The following SLC9A8 variants were observed in gnomAD, a reference collection of about 807,000 sequenced individuals.
The protein encoded by SLC9A8 is sodium/hydrogen exchanger 8.
Under a neutral mutation model 66.6 loss-of-function variants are expected in SLC9A8, and 48 were observed. The ratio of observed to expected loss-of-function variants is 0.72; its 90% CI spans 0.57 to 0.92. The LOEUF (loss-of-function observed/expected upper bound fraction) is 0.92, where lower values mean the gene tolerates loss of function less well. SLC9A8 is among the 40% of genes least tolerant of loss of function. The pLI, the probability that SLC9A8 is intolerant of heterozygous loss-of-function variation, is 0.00. For synonymous variants in SLC9A8, 274 were observed against 282.6 expected (o/e 0.97, Z 0.31); for missense variants, 599 against 747.3 (o/e 0.80, Z 2.31).
intron 7 of SLC9A8, 27 bp downstream of exon 7, chr20:49,850,871 T>C (rs1329328630): frequency 6.5e-7 from 1 of 1,545,770 alleles, no homozygotes; most frequent in South Asian, 1.2e-5. Context: ...GTAACACCCA[T>C]GCGACTGCTT....
chr20:49,827,173 C>T (rs190973740), intron 3 of SLC9A8, among the ~76,000 whole-genome samples: 2 of 151,622 alleles, frequency 1.3e-5, no homozygotes, highest in Admixed American at 6.6e-5. Context: ...AACTCCTGAC[C>T]GCAAGTGATC....
chr20:49,835,812 A>AGTAGCT (rs2087512231), intron 3 of SLC9A8, among the ~76,000 whole-genome samples: 1 of 144,886 alleles, frequency 6.9e-6, no homozygotes, highest in African/African-American at 2.6e-5. Context: ...CAGCCTCCCC[A>AGTAGCT]GTAGCTGTAA....
At chr20:49,833,441 TAAAAC>T (rs1434290845) in intron 3 of SLC9A8, among the ~76,000 whole-genome samples, 1 of 152,050 alleles carries the variant, frequency 6.6e-6, no homozygotes, top group East Asian at 1.9e-4. Flanking sequence ...GCAAGAAAAA[TAAAAC>T]ATTTCTTGGT....
intron 2 of SLC9A8, among the ~76,000 whole-genome samples, chr20:49,817,989 T>C (rs1405278719): frequency 6.6e-6 from 1 of 152,150 alleles, no homozygotes; most frequent in African/African-American, 2.4e-5. Flanking sequence ...TTTACACTGC[T>C]GTCAATTTGA....
At chr20:49,861,824 T>C (rs1180395185) in intron 8 of SLC9A8, among the ~76,000 whole-genome samples, 1 of 152,164 alleles carries the variant, frequency 6.6e-6, no homozygotes, top group East Asian at 1.9e-4. Flanking sequence ...AAAGGAAAGT[T>C]CTTTCTTTCA....
chr20:49,829,941 A>G, intron 3 of SLC9A8: 1 of 588,228 alleles, frequency 1.7e-6, no homozygotes, highest in South Asian at 1.4e-5. Flanking sequence ...AGTCCCCAGA[A>G]GCGGGGTCAG....
rs1358047821 is a variant in SLC9A8, at chr20:49,862,965, T to C, written c.750T>C (p.Asp250=). ...GTTTAACAAGAAAAAATATGTCAGA[T>C]GTCAGTGGGTGGCAAACATTTTTAC... is the stretch of plus-strand genomic sequence containing the variant. The part of the protein sequence containing the change: ...AEGLTRKNMS[D]VSGWQTFLQA... The change falls in exon 9 of 16, where the codon GAT becomes GAC. Residue 250 remains aspartate, a synonymous_variant. Coordinates refer to ENST00000361573, the MANE Select transcript of SLC9A8 (RefSeq NM_015266.3). The C allele has an allele frequency of 1.2e-6, 2 of 1,613,698 alleles. No individual in the cohort carries two copies. Among genetic ancestry groups the C allele is most frequent in the Non-Finnish European group, 1.7e-6 (2 of 1,179,568 alleles).
intron 12 of SLC9A8, among the ~76,000 whole-genome samples, chr20:49,878,886 A>G (rs1012684594): frequency 6.6e-6 from 1 of 152,228 alleles, no homozygotes. Flanking sequence ...GCGTGGTGAT[A>G]TGCGCCTGTA....
chr20:49,813,043 G>A, intron 1 of SLC9A8, 95 bp downstream of exon 1: 2 of 1,161,384 alleles, frequency 1.7e-6, no homozygotes, highest in South Asian at 1.9e-5. Context: ...CCCGGAAGGC[G>A]GAGCTTCTTT....
rs539575048 is a variant in SLC9A8, at chr20:49,867,833, CA to C, written c.958+2992del. Among the ~76,000 whole-genome samples the C allele has an allele frequency of 2.0e-4, 30 of 152,348 alleles. 1 individual carries two copies. The highest frequency in any genetic ancestry group is 7.2e-4 in the African/African-American group (30 of 41,576). ...TGTGTAGCAGTAATTTCTTCAGACG[CA>C]AAGCTGAAGGCCCAGTGGTCTCTAG... On this transcript the variant is annotated intron_variant, in intron 10 of 15. Transcript: ENST00000361573.
At chr20:49,851,831 G>A (rs991261393) in intron 7 of SLC9A8, among the ~76,000 whole-genome samples, 7 of 152,160 alleles carry the variant, frequency 4.6e-5, no homozygotes, top group African/African-American at 1.7e-4. Flanking sequence ...GTGTTTGGTA[G>A]GTATTTTGCA....
chr20:49,825,368 C>T (rs1034920077), intron 3 of SLC9A8, among the ~76,000 whole-genome samples: 7 of 152,126 alleles, frequency 4.6e-5, no homozygotes, highest in Admixed American at 1.3e-4. Context: ...TGGCCAGGCG[C>T]GGTGGCTTAT....
chr20:49,834,433 GTA>G (rs765521098), intron 3 of SLC9A8, among the ~76,000 whole-genome samples: 2,252 of 27,992 alleles, frequency 0.08, 181 homozygotes, highest in Non-Finnish European at 0.092. Context: ...TATATATACT[GTA>G]TATATATATA....
chr20:49,884,126 TC>T, intron 14 of SLC9A8, 60 bp downstream of exon 14: 1 of 1,483,032 alleles, frequency 6.7e-7, no homozygotes. Flanking sequence ...CAGCTGGTGG[TC>T]CCCACTGTCA....
chr20:49,817,029 A>T (rs1424463126), intron 2 of SLC9A8, among the ~76,000 whole-genome samples: 1 of 148,860 alleles, frequency 6.7e-6, no homozygotes. Flanking sequence ...CGCCCAGCCA[A>T]GTCCAAATTC....
At chr20:49,877,922 A>T in intron 11 of SLC9A8, 59 bp from the exon 12 acceptor site, 1 of 1,167,624 alleles carries the variant, frequency 8.6e-7, no homozygotes, top group East Asian at 2.4e-5. Context: ...TTAATAGTTT[A>T]GTACCATATT....
chr20:49,834,390 A>G lies in SLC9A8; in HGVS notation c.290-5151A>G, dbSNP rs1333638079. On this transcript the variant is annotated intron_variant, in intron 3 of 15. Coordinates refer to ENST00000361573, the MANE Select transcript of SLC9A8 (RefSeq NM_015266.3). ...CTGTGTATATATATATATACTGTGT[A>G]TATATATATACTGTGTATATATATA... 1.1e-4 allele frequency among the ~76,000 whole-genome samples: 8 copies of G among 71,750 alleles called. 2 individuals carry two copies. The highest frequency in any genetic ancestry group is 7.3e-5 in the Non-Finnish European group (3 of 41,108). The allele number at this position is 71,750 out of a possible 152,430, so 47.1% of individuals were successfully genotyped here.
At chr20:49,863,777 T>C (rs894680746) in intron 9 of SLC9A8, 4 of 152,226 alleles carry the variant, frequency 2.6e-5, no homozygotes, top group African/African-American at 9.7e-5. Context: ...TCATTATGTT[T>C]AAAATAGTAA....
At chr20:49,813,093 GA>G in intron 1 of SLC9A8, 145 bp downstream of exon 1, 2 of 490,594 alleles carry the variant, frequency 4.1e-6, no homozygotes, top group Non-Finnish European at 3.3e-6. Context: ...TGCCTACGAG[GA>G]GGGCGGGATG....
Sources: allele counts gnomAD v4.1 joint callset (sites outside exome capture counted in the v4.1 genomes callset), GRCh38; gene constraint gnomAD v4.1.1; transcripts MANE v1.5; gene names NCBI Gene and HGNC (gene_info 2026-07-23, HGNC 2026-07-21).